Variants in MDH1 observed in about 807,000 individuals in gnomAD.
MDH1 encodes malate dehydrogenase 1.
In MDH1, 15 loss-of-function variants were observed where a neutral mutation model predicts 38.7. That is an observed-to-expected ratio of 0.39 (90% CI 0.26 to 0.60). MDH1 has a LOEUF of 0.60. MDH1 is among the 20% of genes least tolerant of loss of function. The pLI, the probability that MDH1 is intolerant of heterozygous loss-of-function variation, is 0.56. For synonymous variants in MDH1, 144 were observed against 143.6 expected (o/e 1.00, Z -0.02); for missense variants, 368 against 405.2 (o/e 0.91, Z 0.79).
intron 8 of MDH1, among the ~76,000 whole-genome samples, chr2:63,606,534 C>G (rs1709533170): frequency 6.6e-6 from 1 of 152,196 alleles, no homozygotes; most frequent in South Asian, 2.1e-4. Flanking sequence ...GCTCTTCCCA[C>G]TAGACACTAT....
rs554778702 is a variant in MDH1 at position 63,591,227 on chromosome 2, T to G, written c.3+2181T>G. Among the ~76,000 whole-genome samples the G allele has an allele frequency of 6.6e-5, 10 of 152,368 alleles. No homozygotes were observed. The East Asian group carries it at 1.9e-3, about 29-fold the overall frequency. On this transcript the variant is annotated intron_variant, in intron 1 of 8. Coordinates refer to ENST00000233114, the MANE Select transcript of MDH1 (RefSeq NM_005917.4). The stretch of plus-strand genomic sequence containing the variant: ...AGAATAGTAACCTATGTTCACACTA[T>G]AACATTGTGAAAGTCAGCAGGACTC...
intron 4 of MDH1, chr2:63,597,869 G>A (rs1709347825): frequency 5.2e-6 from 1 of 192,030 alleles, no homozygotes; most frequent in Admixed American, 6.1e-5. Flanking sequence ...CATTTTTGCT[G>A]CGTGGGAATA....
chr2:63,591,675 A>T (rs1709204247), intron 1 of MDH1, among the ~76,000 whole-genome samples: 1 of 152,166 alleles, frequency 6.6e-6, no homozygotes, highest in South Asian at 2.1e-4. Flanking sequence ...TCCTTCATTC[A>T]ACAAATACTT....
intron 5 of MDH1, among the ~76,000 whole-genome samples, chr2:63,603,028 C>T (rs1263642525): frequency 3.0e-5 from 4 of 132,112 alleles, no homozygotes; most frequent in Non-Finnish European, 4.8e-5. Flanking sequence ...GGCACGATCT[C>T]GGCTCACTGC....
intron 5 of MDH1, among the ~76,000 whole-genome samples, chr2:63,602,473 G>T (rs1321807662): frequency 1.3e-5 from 2 of 150,666 alleles, no homozygotes; most frequent in Non-Finnish European, 2.9e-5. Flanking sequence ...TAACTACAGA[G>T]TATTATCAAA....
rs1709495800 is a variant in MDH1 at position 63,604,788 on chromosome 2, T to C, written c.591T>C (p.His197=). The C allele has an allele frequency of 2.5e-6, 4 of 1,614,096 alleles. No homozygotes were observed. Among genetic ancestry groups the C allele is most frequent in the Non-Finnish European group, 3.4e-6 (4 of 1,180,050 alleles). Residue 197 remains histidine, a synonymous_variant, in exon 6 of 9, where the codon CAT becomes CAC. Coordinates refer to ENST00000233114, the MANE Select transcript of MDH1 (RefSeq NM_005917.4). ...HSSTQYPDVN[H]AKVKLQGKEV... ...CGACTCAGTATCCAGATGTCAACCA[T>C]GCCAAGGTGAAATTGCAAGGAAAGG...
intron 1 of MDH1, chr2:63,589,486 G>A (rs1003029681): frequency 1.7e-6 from 2 of 1,180,244 alleles, no homozygotes; most frequent in East Asian, 2.6e-5. Flanking sequence ...AAAGCAAAAA[G>A]CTGGAAAGGT....
rs192476248 is a variant in MDH1 at position 63,588,998 on chromosome 2, G to C, written c.-46G>C. The C allele has an allele frequency of 3.7e-6, 6 of 1,614,172 alleles. No individual in the cohort carries two copies. The East Asian group carries it at 8.9e-5, about 24-fold the overall frequency. On this transcript the variant is annotated 5_prime_UTR_variant, in exon 1 of 9. Transcript: ENST00000233114. Reference sequence around the variant, plus strand: ...CGCGGTAGAGGTGACCTGACTCTCTGAGGCTCATTTTGCAGTTGTTGAAAT... The same window carrying C: ...CGCGGTAGAGGTGACCTGACTCTCTCAGGCTCATTTTGCAGTTGTTGAAAT...
chr2:63,593,651 A>G (rs1415124795), intron 1 of MDH1: 1 of 471,638 alleles, frequency 2.1e-6, no homozygotes, highest in South Asian at 1.5e-5. Flanking sequence ...GTGACAGTGG[A>G]AGTACATTTA....
rs1385982347 is a variant in MDH1, at chr2:63,595,176, A to T, written c.103-247A>T. ...TCACTCAGTTTAATGTTTTTTTCATATACTGTTAAAATTGAGTAGTGGTGA... is the reference window on the plus strand; with the variant it reads ...TCACTCAGTTTAATGTTTTTTTCATTTACTGTTAAAATTGAGTAGTGGTGA... On this transcript the variant is annotated intron_variant, in intron 2 of 8. Transcript: ENST00000233114. 2.0e-5 allele frequency among the ~76,000 whole-genome samples: 3 copies of T among 152,150 alleles called. No homozygotes were observed. The South Asian group carries it at 6.2e-4, about 32-fold the overall frequency.
intron 4 of MDH1, among the ~76,000 whole-genome samples, chr2:63,598,600 A>G (rs1032312809): frequency 7.2e-5 from 11 of 152,346 alleles, no homozygotes; most frequent in African/African-American, 2.4e-4. Context: ...TGTTCTATCA[A>G]TAACATTTCA....
At chr2:63,594,333 C>T (rs1390636334) in intron 1 of MDH1, 155 bp from the exon 2 acceptor site, 1 of 743,136 alleles carries the variant, frequency 1.3e-6, no homozygotes, top group Admixed American at 1.7e-5. Context: ...CGTAAATATG[C>T]AGCACATTCA....
At chr2:63,594,020 T>G (rs528476060) in intron 1 of MDH1, among the ~76,000 whole-genome samples, 1 of 152,354 alleles carries the variant, frequency 6.6e-6, no homozygotes, top group South Asian at 2.1e-4. Flanking sequence ...CCAGACAAAG[T>G]TGAAGCACGA....
At chr2:63,597,008 G>T (rs1575722170) in intron 3 of MDH1, among the ~76,000 whole-genome samples, 1 of 152,224 alleles carries the variant, frequency 6.6e-6, no homozygotes, top group African/African-American at 2.4e-5. Context: ...ATTTGTGATT[G>T]GTGTCTTAGA....
In MDH1 at chr2:63,594,647, T is replaced by A. The variant is rs76809739; in HGVS notation, c.102+61T>A. ...AGTAAGAATATGGTTAATAAAAATC[T>A]GTATTTAGTTGTACACAAATTGTTA... On this transcript the variant is annotated intron_variant, in intron 2 of 8. Transcript: ENST00000233114. 4.2e-4 allele frequency: 485 copies of A among 1,152,904 alleles called. 2 individuals carry two copies. The African/African-American group carries it at 6.8e-3, about 16-fold the overall frequency. The allele number at this position is 1,152,904 out of a possible 1,614,324, so 71.4% of individuals were successfully genotyped here. A position where few individuals can be genotyped will look rare whatever the true frequency, so the allele number is the denominator to read the frequency against.
intron 5 of MDH1, among the ~76,000 whole-genome samples, chr2:63,601,819 C>A (rs1709423615): frequency 6.6e-6 from 1 of 152,190 alleles, no homozygotes; most frequent in Admixed American, 6.5e-5. Flanking sequence ...TAGGCTCTAA[C>A]TTCCTGGTAA....
At chr2:63,604,599 GCT>G in intron 5 of MDH1, 95 bp from the exon 6 acceptor site, 1 of 967,424 alleles carries the variant, frequency 1.0e-6, no homozygotes, top group African/African-American at 1.6e-5. Context: ...AATTTCAGAA[GCT>G]TTTTATCTTT....
chr2:63,604,904 G>T, intron 6 of MDH1, 32 bp downstream of exon 6: 1 of 1,606,908 alleles, frequency 6.2e-7, no homozygotes, highest in South Asian at 1.1e-5. Context: ...TCTTAACACT[G>T]AGCGTAAAGA....
intron 1 of MDH1, chr2:63,593,633 G>A: frequency 2.1e-6 from 1 of 471,676 alleles, no homozygotes; most frequent in Non-Finnish European, 4.4e-6. Context: ...ATGCAGGTAG[G>A]GGTAAAGGTG....
Sources: gnomAD v4.1 joint callset for allele counts (sites outside exome capture counted in the v4.1 genomes callset) on GRCh38, gnomAD v4.1.1 for gene constraint, MANE v1.5 for transcripts, NCBI Gene and HGNC (gene_info 2026-07-23, HGNC 2026-07-21) for gene names.